The following HIPK2 variants were observed in gnomAD, a reference collection of about 807,000 sequenced individuals.
HIPK2 encodes the protein homeodomain-interacting protein kinase 2.
Under a neutral mutation model 113.7 loss-of-function variants are expected in HIPK2, and 27 were observed. The ratio of observed to expected loss-of-function variants is 0.24; its 90% CI spans 0.17 to 0.33. The LOEUF is 0.33. Among genes scored for constraint, HIPK2 ranks in the 10% least tolerant of loss-of-function variants. The probability of loss-of-function intolerance (pLI) is 1.00; values close to 1 mark genes in which losing one functional copy is unlikely to be tolerated. For missense variants in HIPK2, 1,257 were observed against 1,588.0 expected (o/e 0.79, Z 3.54); for synonymous variants, 631 against 642.2 (o/e 0.98, Z 0.26).
At position 139,658,732 on chromosome 7, in the gene HIPK2, T is replaced by TACAA. The variant is rs1801760800; in HGVS notation, c.1104-27008_1104-27007insTTGT. Among the ~76,000 whole-genome samples the TACAA allele has an allele frequency of 1.1e-4, 16 of 152,282 alleles. No individual in the cohort carries two copies. The South Asian group carries it at 3.3e-3, about 32-fold the overall frequency. Reference sequence around the variant, plus strand: ...AAGATCTTGTTTTGTACATCCTAATTCTGAGTGCCCTTTTATTACAACTGC... The same window carrying TACAA: ...AAGATCTTGTTTTGTACATCCTAATTACAACTGAGTGCCCTTTTATTACAACTGC... On this transcript the variant is annotated intron_variant, in intron 2 of 14. Coordinates refer to ENST00000406875, the MANE Select transcript of HIPK2 (RefSeq NM_022740.5).
chr7:139,763,294 A>G (rs892779297), intron 1 of HIPK2, among the ~76,000 whole-genome samples: 1 of 152,186 alleles, frequency 6.6e-6, no homozygotes, highest in African/African-American at 2.4e-5. Flanking sequence ...TGTGCACTTA[A>G]TATCACTATG....
At chr7:139,690,028 C>A (rs1466652664) in intron 2 of HIPK2, among the ~76,000 whole-genome samples, 1 of 147,476 alleles carries the variant, frequency 6.8e-6, no homozygotes. Context: ...CAAGGTGGGG[C>A]CCAATCTATG....
rs749142215 is a variant in HIPK2 at position 139,614,483 on chromosome 7, G to T, written c.1793C>A (p.Ser598Tyr). ...GGCTAAGGAAATAGTGGCACTGGTAGAGGAGGGAGCCTAAAGGAGTGATGG... is the reference window on the plus strand; with the variant it reads ...GGCTAAGGAAATAGTGGCACTGGTATAGGAGGGAGCCTAAAGGAGTGATGG... ...LTTVHNQAPS[S>Y]TSATISLANP... The change falls in exon 8 of 15, where the codon TCT becomes TAT. Residue 598 changes from serine (S) to tyrosine (Y), a missense_variant. By Grantham distance (144) the Ser-to-Tyr change is moderately radical. This residue lies in a region of HIPK2 where 862 missense variants were observed against 1,004.3 expected (regional missense o/e 0.86). Transcript: ENST00000406875. The T allele has an allele frequency of 2.8e-6, 4 of 1,420,326 alleles. No individual in the cohort carries two copies. Among genetic ancestry groups the T allele is most frequent in the Non-Finnish European group, 3.7e-6 (4 of 1,073,440 alleles). The allele number at this position is 1,420,326 out of a possible 1,614,324, so 88.0% of individuals were successfully genotyped here. A position where few individuals can be genotyped will look rare whatever the true frequency, so the allele number is the denominator to read the frequency against.
At chr7:139,610,844 C>G (rs908863645) in intron 9 of HIPK2, among the ~76,000 whole-genome samples, 1 of 152,178 alleles carries the variant, frequency 6.6e-6, no homozygotes, top group Admixed American at 6.5e-5. Flanking sequence ...ACAGGCAGAA[C>G]CTAAGTGCCT....
intron 1 of HIPK2, among the ~76,000 whole-genome samples, chr7:139,738,275 G>A (rs984297835): frequency 6.6e-6 from 1 of 152,228 alleles, no homozygotes; most frequent in Non-Finnish European, 1.5e-5. Flanking sequence ...TACCATGTAT[G>A]AGAGCGCCCT....
At chr7:139,617,089 T>A (rs1323629981) in intron 7 of HIPK2, among the ~76,000 whole-genome samples, 2 of 152,212 alleles carry the variant, frequency 1.3e-5, no homozygotes, top group African/African-American at 2.4e-5. Context: ...AAGAAGCCCA[T>A]GTGAGGGCAA....
At chr7:139,669,365 A>G (rs1802179059) in intron 2 of HIPK2, among the ~76,000 whole-genome samples, 1 of 152,208 alleles carries the variant, frequency 6.6e-6, no homozygotes, top group Non-Finnish European at 1.5e-5. Context: ...TTGTATTGTG[A>G]CTGTACATAA....
At chr7:139,655,356 A>G (rs997569971) in intron 2 of HIPK2, among the ~76,000 whole-genome samples, 3 of 152,250 alleles carry the variant, frequency 2.0e-5, no homozygotes, top group African/African-American at 4.8e-5. Context: ...CGTAAGTTGC[A>G]GTGGAGCCAG....
rs1021702530 is a variant in HIPK2 at position 139,696,361 on chromosome 7, C to T, written c.1103+19571G>A. Reference sequence around the variant, plus strand: ...GTGGAGACAGGAGGATCACTTGAGGCCAGGAGTTTGAGACAAGTCTGGGCA... The same window carrying T: ...GTGGAGACAGGAGGATCACTTGAGGTCAGGAGTTTGAGACAAGTCTGGGCA... On this transcript the variant is annotated intron_variant, in intron 2 of 14. Coordinates refer to ENST00000406875, the MANE Select transcript of HIPK2 (RefSeq NM_022740.5). Among the ~76,000 whole-genome samples, 422 of 152,092 alleles carry T rather than the reference C, an allele frequency of 2.8e-3. 4 individuals carry two copies. Among genetic ancestry groups the T allele is most frequent in the African/African-American group, 9.8e-3 (407 of 41,462 alleles).
At chr7:139,751,577 T>C (rs1170034784) in intron 1 of HIPK2, among the ~76,000 whole-genome samples, 1 of 147,224 alleles carries the variant, frequency 6.8e-6, no homozygotes, top group Non-Finnish European at 1.5e-5. Flanking sequence ...GATGGATGGA[T>C]GGTTGGATGG....
chr7:139,600,278 T>C (rs1799373279), intron 11 of HIPK2, 139 bp downstream of exon 11: 4 of 987,688 alleles, frequency 4.0e-6, no homozygotes, highest in Non-Finnish European at 5.8e-6. Context: ...GTTTTGCTAG[T>C]CACTGCAGGA....
chr7:139,777,656 G>C lies in HIPK2; in HGVS notation c.-33C>G. ...GGGGTGTCCGCGGTTCATGGCAACG[G>C]GGACGGGAAAGCGGCGCGCGAGCTC... On this transcript the variant is annotated 5_prime_UTR_variant, in exon 1 of 15. Coordinates refer to ENST00000406875, the MANE Select transcript of HIPK2 (RefSeq NM_022740.5). 1 of 1,100,292 alleles carries C rather than the reference G, an allele frequency of 9.1e-7. No individual in the cohort carries two copies. The highest frequency in any genetic ancestry group is 4.3e-5 in the South Asian group (1 of 23,168). The allele number at this position is 1,100,292 out of a possible 1,614,324, so 68.2% of individuals were successfully genotyped here.
chr7:139,733,431 A>G lies in HIPK2; in HGVS notation c.20-16416T>C, dbSNP rs117836866. The stretch of plus-strand genomic sequence containing the variant: ...TTAACCAAAAGCACTATCCTTGGTC[A>G]TAACTGAGACCCAGTTTCTATGTAC... On this transcript the variant is annotated intron_variant, in intron 1 of 14. Transcript: ENST00000406875. Among the ~76,000 whole-genome samples, 1,115 of 152,346 alleles carry G rather than the reference A, an allele frequency of 7.3e-3. 11 individuals are homozygous for G. The highest frequency in any genetic ancestry group is 0.013 in the South Asian group (62 of 4,832).
intron 2 of HIPK2, among the ~76,000 whole-genome samples, chr7:139,695,695 G>C (rs1486246281): frequency 2.0e-5 from 3 of 151,926 alleles, no homozygotes; most frequent in African/African-American, 7.2e-5. Context: ...ATTTAGGAAA[G>C]GAGGATTTAC....
At chr7:139,663,707 A>C (rs1361936950) in intron 2 of HIPK2, among the ~76,000 whole-genome samples, 1 of 152,200 alleles carries the variant, frequency 6.6e-6, no homozygotes, top group Non-Finnish European at 1.5e-5. Flanking sequence ...ACAAACAAAC[A>C]AAATGTAAAA....
At chr7:139,772,906 A>T (rs951938010) in intron 1 of HIPK2, among the ~76,000 whole-genome samples, 18 of 151,824 alleles carry the variant, frequency 1.2e-4, no homozygotes, top group Non-Finnish European at 2.2e-4. Flanking sequence ...ATTCTAGCTG[A>T]AGAAAGCATA....
At chr7:139,645,760 C>T (rs1327726887) in intron 2 of HIPK2, among the ~76,000 whole-genome samples, 1 of 152,118 alleles carries the variant, frequency 6.6e-6, no homozygotes, top group African/African-American at 2.4e-5. Context: ...ATGTTTTTTA[C>T]CCAATTTTAG....
At position 139,714,384 on chromosome 7, in the gene HIPK2, G is replaced by T. The variant is rs1287213073; in HGVS notation, c.1103+1548C>A. ...GGGCATCTGGGGATCCGAACGGAGG[G>T]GCTGTTGCTCTCCCAGGGAAGGAGG... On this transcript the variant is annotated intron_variant, in intron 2 of 14. Coordinates refer to ENST00000406875, the MANE Select transcript of HIPK2 (RefSeq NM_022740.5). This position sits in a 1 kb window ranked among gnomAD's most constrained non-coding sequence, Gnocchi z 4.2. Among the ~76,000 whole-genome samples, 1 of 152,170 alleles carries T rather than the reference G, an allele frequency of 6.6e-6. No homozygotes were observed. The highest frequency in any genetic ancestry group is 1.5e-5 in the Non-Finnish European group (1 of 68,020).
chr7:139,734,623 G>C (rs1351307956), intron 1 of HIPK2, among the ~76,000 whole-genome samples: 2 of 152,162 alleles, frequency 1.3e-5, no homozygotes, highest in African/African-American at 4.8e-5. Flanking sequence ...ATAACCATGG[G>C]TATTATTCAT....
Sources: allele counts gnomAD v4.1 joint callset (sites outside exome capture counted in the v4.1 genomes callset), GRCh38; gene constraint gnomAD v4.1.1; regional missense constraint gnomAD v4.1.1; non-coding constraint Gnocchi (gnomAD v3.1); transcripts MANE v1.5; gene names NCBI Gene and HGNC (gene_info 2026-07-23, HGNC 2026-07-21).